The following PHACTR2 variants were observed in gnomAD, a reference collection of about 807,000 sequenced individuals.
PHACTR2 encodes phosphatase and actin regulator 2.
A neutral mutation model predicts 76.0 loss-of-function variants in PHACTR2; 30 were observed. The ratio of observed to expected loss-of-function variants is 0.39; its 90% CI spans 0.30 to 0.54. The LOEUF is 0.54. PHACTR2 is among the 20% of genes least tolerant of loss of function. The pLI, the probability that PHACTR2 is intolerant of heterozygous loss-of-function variation, is 0.61. For synonymous variants in PHACTR2, 292 were observed against 292.5 expected, an observed-to-expected ratio of 1.00 and a Z score of 0.02; for missense variants, 696 against 781.1, an observed-to-expected ratio of 0.89 and a Z score of 1.30.
At position 143,633,353 on chromosome 6, in the gene PHACTR2, G is replaced by T. The variant is rs1776397815; in HGVS notation, c.13+25031G>T. 6.6e-6 allele frequency among the ~76,000 whole-genome samples: 1 copy of T among 152,072 alleles called. No homozygotes were observed. Among genetic ancestry groups the T allele is most frequent in the Non-Finnish European group, 1.5e-5 (1 of 68,006 alleles). ...TGCTTCAATTTGCAATTCCCTATCGGCATATGATGCTGAACATCTTTTCAT... is the reference window on the plus strand; with the variant it reads ...TGCTTCAATTTGCAATTCCCTATCGTCATATGATGCTGAACATCTTTTCAT... On this transcript the variant is annotated intron_variant, in intron 1 of 11. Coordinates refer to the PHACTR2 transcript ENST00000305766. The surrounding 1 kb of genome is among the most constrained non-coding windows in gnomAD (Gnocchi z 4.1).
In PHACTR2 at chr6:143,733,247, T is replaced by G. The variant is rs1178881860; in HGVS notation, c.215-15738T>G. ...CTTTTTTCATTTTCCATAGCACATT[T>G]TACCGTCTAACATCTATAAATTATT... On this transcript the variant is annotated intron_variant, in intron 2 of 12. Transcript: ENST00000440869. This position sits in a 1 kb window ranked among gnomAD's most constrained non-coding sequence, Gnocchi z 4.0. Among the ~76,000 whole-genome samples, 2 of 152,154 alleles carry G rather than the reference T, an allele frequency of 1.3e-5. No homozygotes were observed. Among genetic ancestry groups the G allele is most frequent in the Non-Finnish European group, 2.9e-5 (2 of 68,026 alleles).
upstream of PHACTR2, among the ~76,000 whole-genome samples, chr6:143,604,667 C>T (rs562817426): frequency 8.6e-5 from 13 of 151,848 alleles, no homozygotes; most frequent in African/African-American, 1.7e-4. Context: ...GGATCACCTG[C>T]GGTCAGGAGT....
upstream of PHACTR2, chr6:143,608,067 G>T: frequency 1.8e-6 from 1 of 559,266 alleles, no homozygotes; most frequent in Non-Finnish European, 3.2e-6. This position sits in a 1 kb window ranked among gnomAD's most constrained non-coding sequence, Gnocchi z 4.6. Context: ...AAACCCCAGG[G>T]GATTCAAGTA....
At chr6:143,769,275 CAT>C (rs937256852) in intron 6 of PHACTR2, among the ~76,000 whole-genome samples, 1 of 152,104 alleles carries the variant, frequency 6.6e-6, no homozygotes, top group African/African-American at 2.4e-5. Context: ...ATTTGGAGGC[CAT>C]ATCCAAAAGG....
intron 2 of PHACTR2, among the ~76,000 whole-genome samples, chr6:143,718,757 G>A (rs1459252488): frequency 1.3e-5 from 2 of 152,116 alleles, no homozygotes; most frequent in African/African-American, 4.8e-5. Context: ...AAAGTAGGGC[G>A]AAGTTAAAGG....
intron 1 of PHACTR2, among the ~76,000 whole-genome samples, chr6:143,614,705 G>T (rs1255746605): frequency 6.6e-6 from 1 of 152,136 alleles, no homozygotes; most frequent in African/African-American, 2.4e-5. Flanking sequence ...AAATATCTGT[G>T]TCATCTATGT....
rs141237928 is a variant in PHACTR2, at chr6:143,822,672, A to G, written c.1923-1002A>G. Among the ~76,000 whole-genome samples, 390 of 152,324 alleles carry G rather than the reference A, an allele frequency of 2.6e-3. 2 individuals are homozygous for G. The highest frequency in any genetic ancestry group is 8.9e-3 in the African/African-American group (372 of 41,570). On this transcript the variant is annotated intron_variant, in intron 12 of 12. Coordinates refer to ENST00000440869, the MANE Select transcript of PHACTR2 (RefSeq NM_001100164.2). This position sits in a 1 kb window ranked among gnomAD's most constrained non-coding sequence, Gnocchi z 5.5. ...AGAGCAGATGAGCATTCGACTGTAGAAGACAGAGTGAAATGCTAGGCAGAG... is the reference window on the plus strand; with the variant it reads ...AGAGCAGATGAGCATTCGACTGTAGGAGACAGAGTGAAATGCTAGGCAGAG...
intron 1 of PHACTR2, among the ~76,000 whole-genome samples, chr6:143,564,684 G>A (rs1004269723): frequency 6.6e-6 from 1 of 152,192 alleles, no homozygotes; most frequent in Non-Finnish European, 1.5e-5. Context: ...AGCACCCTGA[G>A]AAGGTGCCTG....
chr6:143,608,710 A>T lies in PHACTR2; in HGVS notation c.13+388A>T, dbSNP rs1361393118. On this transcript the variant is annotated intron_variant, in intron 1 of 11. Transcript: ENST00000305766. This position sits in a 1 kb window ranked among gnomAD's most constrained non-coding sequence, Gnocchi z 4.6. ...TGAGCTGAGCAAAAATTCTGTGTAA[A>T]TATTACAATATGCACAGTGTAACAG... Among the ~76,000 whole-genome samples, 1 of 152,222 alleles carries T rather than the reference A, an allele frequency of 6.6e-6. No homozygotes were observed. The highest frequency in any genetic ancestry group is 2.4e-5 in the African/African-American group (1 of 41,454).
chr6:143,604,455 T>C (rs1274293086), upstream of PHACTR2, among the ~76,000 whole-genome samples: 3 of 152,204 alleles, frequency 2.0e-5, no homozygotes, highest in African/African-American at 4.8e-5. Context: ...TTTTTCTCCA[T>C]AGAATCCATC....
Position 143,807,487 on chromosome 6 carries a change from C to G in PHACTR2, c.1922+354C>G, listed in dbSNP as rs1416043093. ...ATTTCTAAAATTAAATCTTTTCTTT[C>G]AAGGAAGTCTGAATCATTCCATGGG... On this transcript the variant is annotated intron_variant, in intron 12 of 12. Transcript: ENST00000440869. This position sits in a 1 kb window ranked among gnomAD's most constrained non-coding sequence, Gnocchi z 5.5. 6.6e-6 allele frequency among the ~76,000 whole-genome samples: 1 copy of G among 152,164 alleles called. No individual in the cohort carries two copies. Among genetic ancestry groups the G allele is most frequent in the Non-Finnish European group, 1.5e-5 (1 of 68,022 alleles).
rs867660409 is a variant in PHACTR2 at position 143,712,101 on chromosome 6, A to G, written c.132A>G (p.Lys44=). 6.3e-7 allele frequency: 1 copy of G among 1,596,096 alleles called. No homozygotes were observed. Among genetic ancestry groups the G allele is most frequent in the Non-Finnish European group, 8.5e-7 (1 of 1,174,086 alleles). The change falls in exon 2 of 13, where the codon AAA becomes AAG. Residue 44 remains lysine, a synonymous_variant. Coordinates refer to ENST00000440869, the MANE Select transcript of PHACTR2 (RefSeq NM_001100164.2). The part of the protein sequence containing the change: ...SQTPPFKRKG[K]LSTIGKIFKP... ...CACCTCCCTTCAAAAGAAAGGGGAA[A>G]CTATCCACCATTGGTAAAATCTTTA...
intron 1 of PHACTR2, among the ~76,000 whole-genome samples, chr6:143,685,858 G>C (rs998930419): frequency 6.6e-6 from 1 of 152,110 alleles, no homozygotes; most frequent in Non-Finnish European, 1.5e-5. Flanking sequence ...TAGGCCGGGC[G>C]TGGTGGCTCA....
chr6:143,567,264 G>A (rs936789444), intron 1 of PHACTR2, among the ~76,000 whole-genome samples: 22 of 152,182 alleles, frequency 1.4e-4, no homozygotes, highest in South Asian at 2.1e-4. Context: ...ATTTAGATAC[G>A]CAGCAAAATT....
In PHACTR2 at chr6:143,583,875, A is replaced by C. The variant is rs755652423; in HGVS notation, c.217+46668A>C. 5.3e-5 allele frequency among the ~76,000 whole-genome samples: 8 copies of C among 152,212 alleles called. No homozygotes were observed. Among genetic ancestry groups the C allele is most frequent in the Non-Finnish European group, 1.2e-4 (8 of 68,032 alleles). On this transcript the variant is annotated intron_variant, in intron 1 of 11. Coordinates refer to the PHACTR2 transcript ENST00000367584. The surrounding 1 kb of genome is among the most constrained non-coding windows in gnomAD (Gnocchi z 4.0). ...ATTCATTCAAAGGAGGACTTCCAGA[A>C]TTCTGAGAGGTCTAGAGTGCTGGGA...
chr6:143,803,899 T>G lies in PHACTR2; in HGVS notation c.1846-3158T>G, dbSNP rs1776013463. ...ATCCTGAGGTAAACAACTGCAGCCG[T>G]TAGTGTTGCCAGGCAAATATTCTCA... On this transcript the variant is annotated intron_variant, in intron 11 of 12. Coordinates refer to ENST00000440869, the MANE Select transcript of PHACTR2 (RefSeq NM_001100164.2). This position sits in a 1 kb window ranked among gnomAD's most constrained non-coding sequence, Gnocchi z 4.7. 6.6e-6 allele frequency among the ~76,000 whole-genome samples: 1 copy of G among 152,180 alleles called. No individual in the cohort carries two copies. The highest frequency in any genetic ancestry group is 6.5e-5 in the Admixed American group (1 of 15,274).
In PHACTR2 at chr6:143,827,156, ATAT is replaced by A. The variant is rs1776551986; in HGVS notation, c.*3468_*3470del. On this transcript the variant is annotated 3_prime_UTR_variant, in exon 13 of 13. Coordinates refer to ENST00000440869, the MANE Select transcript of PHACTR2 (RefSeq NM_001100164.2). ...GGCTGCGTTGGCATTAAAAAAGAAA[ATAT>A]ATATATATATATATATATATATATA... 4 of 18,368 alleles carry A rather than the reference ATAT, an allele frequency of 2.2e-4. No individual in the cohort carries two copies. The highest frequency in any genetic ancestry group is 6.7e-4 in the African/African-American group (4 of 5,926). The allele number at this position is 18,368 out of a possible 1,614,324, so 1.1% of individuals were successfully genotyped here. A position where few individuals can be genotyped will look rare whatever the true frequency, so the allele number is the denominator to read the frequency against.
chr6:143,814,558 T>TCAA (rs1161788116), intron 12 of PHACTR2, among the ~76,000 whole-genome samples: 12 of 144,906 alleles, frequency 8.3e-5, no homozygotes, highest in Non-Finnish European at 1.9e-4. Flanking sequence ...TATTCAGAGG[T>TCAA]CAACTGTATA....
At chr6:143,666,770 G>C (rs541582011) in intron 1 of PHACTR2, among the ~76,000 whole-genome samples, 1 of 152,148 alleles carries the variant, frequency 6.6e-6, no homozygotes, top group Admixed American at 6.5e-5. Flanking sequence ...GTAGATTCTG[G>C]ATGTTAGCCC....
Sources: gnomAD v4.1 joint callset for allele counts (sites outside exome capture counted in the v4.1 genomes callset) on GRCh38, gnomAD v4.1.1 for gene constraint, Gnocchi (gnomAD v3.1) non-coding constraint, MANE v1.5 for transcripts, NCBI Gene and HGNC (gene_info 2026-07-23, HGNC 2026-07-21) for gene names.